ANKH: variants seen among roughly 807,000 people sequenced by gnomAD.
ANKH encodes ANKH inorganic pyrophosphate transport regulator, also known as mineralization regulator ANKH.
A neutral mutation model predicts 49.0 loss-of-function variants in ANKH; 15 were observed. The ratio of observed to expected loss-of-function variants is 0.31; its 90% CI spans 0.20 to 0.47. The LOEUF (loss-of-function observed/expected upper bound fraction) is 0.47. Among genes scored for constraint, ANKH ranks in the 20% least tolerant of loss-of-function variants. ANKH has a pLI of 1.00. For synonymous variants in ANKH, 273 were observed against 260.0 expected (o/e 1.05, Z -0.48); for missense variants, 429 against 652.0 (o/e 0.66, Z 3.72).
intron 1 of ANKH, among the ~76,000 whole-genome samples, chr5:14,819,900 TACACACACACACAC>T (rs57977744): frequency 3.5e-4 from 51 of 145,502 alleles, no homozygotes; most frequent in Admixed American, 4.8e-4. Flanking sequence ...AACAAAAATA[TACACACACACACAC>T]ACACACACAC....
chr5:14,829,183 T>TC (rs1336832543), intron 1 of ANKH, among the ~76,000 whole-genome samples: 2 of 37,278 alleles, frequency 5.4e-5, no homozygotes, highest in Non-Finnish European at 8.5e-5. Context: ...AGACTCTGTC[T>TC]CAAAAAAAAA....
At chr5:14,778,577 T>C (rs1739706694) in intron 1 of ANKH, among the ~76,000 whole-genome samples, 1 of 152,144 alleles carries the variant, frequency 6.6e-6, no homozygotes, top group Non-Finnish European at 1.5e-5. Context: ...CGGCTGCAAT[T>C]TCTAACCTTT....
Position 14,710,786 on chromosome 5 carries a change from T to C in ANKH, c.*411A>G. 1 of 226,714 alleles carries C rather than the reference T, an allele frequency of 4.4e-6. No individual in the cohort carries two copies. The highest frequency in any genetic ancestry group is 8.9e-6 in the Non-Finnish European group (1 of 111,864). 14.0% of individuals were successfully genotyped at this position (226,714 alleles called of 1,614,324 possible). On this transcript the variant is annotated 3_prime_UTR_variant, in exon 12 of 12. Transcript: ENST00000284268. ...AGCCGAGTTTTAACCTGTTGATTCT[T>C]AAGAGCGATGAAGGGGGACAGGAGA...
rs960626904 is a variant in ANKH, at chr5:14,822,852, G to A, written c.96+48500C>T. Reference sequence around the variant, plus strand: ...ACGAGGTCAGGAGATCGAGACCACGGTGAAACCCTGTCTCTACTAAAAATA... The same window carrying A: ...ACGAGGTCAGGAGATCGAGACCACGATGAAACCCTGTCTCTACTAAAAATA... On this transcript the variant is annotated intron_variant, in intron 1 of 11. Transcript: ENST00000284268. 2.6e-5 allele frequency among the ~76,000 whole-genome samples: 4 copies of A among 152,128 alleles called. No homozygotes were observed. The East Asian group carries it at 7.7e-4, about 29-fold the overall frequency.
At chr5:14,760,324 T>C (rs542347410) in intron 2 of ANKH, among the ~76,000 whole-genome samples, 1 of 152,158 alleles carries the variant, frequency 6.6e-6, no homozygotes, top group South Asian at 2.1e-4. Context: ...TCAGAAGCTG[T>C]GCAGAGATGA....
intron 2 of ANKH, among the ~76,000 whole-genome samples, chr5:14,764,677 G>A (rs1249237923): frequency 6.6e-6 from 1 of 152,250 alleles, no homozygotes; most frequent in Non-Finnish European, 1.5e-5. Context: ...TTCGCTCCCA[G>A]CACCCTCGTT....
intron 9 of ANKH, among the ~76,000 whole-genome samples, chr5:14,714,730 G>A (rs577780958): frequency 5.9e-5 from 9 of 152,164 alleles, no homozygotes; most frequent in Non-Finnish European, 1.3e-4. Flanking sequence ...TAAACTGGTT[G>A]GCCCAAATCC....
chr5:14,794,995 A>G (rs991640537), intron 1 of ANKH, among the ~76,000 whole-genome samples: 1 of 152,228 alleles, frequency 6.6e-6, no homozygotes, highest in Admixed American at 6.5e-5. Context: ...CACAGAAACA[A>G]TGTGTGCCTG....
At chr5:14,864,349 C>T (rs1735583633) in intron 1 of ANKH, among the ~76,000 whole-genome samples, 1 of 152,170 alleles carries the variant, frequency 6.6e-6, no homozygotes, top group Non-Finnish European at 1.5e-5. Flanking sequence ...CAAACCACCT[C>T]AATAAATAAA....
intron 1 of ANKH, chr5:14,868,530 G>C (rs1561091807): frequency 6.6e-6 from 1 of 151,444 alleles, no homozygotes; most frequent in African/African-American, 2.4e-5. Flanking sequence ...CTCCTGAGTA[G>C]CTAGGATTAC....
chr5:14,830,818 T>A (rs893217944), intron 1 of ANKH, among the ~76,000 whole-genome samples: 10 of 151,950 alleles, frequency 6.6e-5, no homozygotes, highest in Non-Finnish European at 1.2e-4. Flanking sequence ...ACCCCCAACA[T>A]CTAGTCTGGT....
chr5:14,729,457 G>A (rs150370225), intron 8 of ANKH, among the ~76,000 whole-genome samples: 1,547 of 151,644 alleles, frequency 0.01, 19 homozygotes, highest in South Asian at 0.025. Context: ...CAAAGTGCTG[G>A]GATTACAGGT....
intron 1 of ANKH, among the ~76,000 whole-genome samples, chr5:14,809,790 C>T (rs1335204084): frequency 3.3e-5 from 5 of 151,998 alleles, no homozygotes; most frequent in Admixed American, 2.0e-4. Flanking sequence ...AAACTCTGGA[C>T]CCACAGGAAG....
intron 1 of ANKH, among the ~76,000 whole-genome samples, chr5:14,804,951 C>T (rs1258532743): frequency 6.6e-6 from 1 of 152,170 alleles, no homozygotes; most frequent in Non-Finnish European, 1.5e-5. Context: ...CTTGAGGTAG[C>T]TAGAGATGAC....
At chr5:14,747,826 G>A (rs952135317) in intron 6 of ANKH, among the ~76,000 whole-genome samples, 9 of 152,180 alleles carry the variant, frequency 5.9e-5, no homozygotes, top group East Asian at 1.9e-4. Flanking sequence ...GGGATCGGGC[G>A]GACCTGGATC....
rs1451572314 is a variant in ANKH at position 14,858,738 on chromosome 5, TAAATAAATAAATAAATAAATA to T, written c.96+12593_96+12613del. Among the ~76,000 whole-genome samples the T allele has an allele frequency of 9.3e-3, 891 of 95,840 alleles. 15 individuals are homozygous for T. The highest frequency in any genetic ancestry group is 0.01 in the Non-Finnish European group (456 of 44,912). 62.9% of individuals were successfully genotyped at this position (95,840 alleles called of 152,430 possible). A position where few individuals can be genotyped will look rare whatever the true frequency, so the allele number is the denominator to read the frequency against. On this transcript the variant is annotated intron_variant, in intron 1 of 11. Coordinates refer to ENST00000284268, the MANE Select transcript of ANKH (RefSeq NM_054027.6). ...CTCAATAAATAAATAAATAAATAAA[TAAATAAATAAATAAATAAATA>T]AAATAAAATAAAATATATGCACAGA...
chr5:14,726,938 G>C (rs1266802307), intron 8 of ANKH, among the ~76,000 whole-genome samples: 1 of 152,238 alleles, frequency 6.6e-6, no homozygotes, highest in Non-Finnish European at 1.5e-5. Context: ...GATACAGCAC[G>C]TGAGGGGATG....
Position 14,737,397 on chromosome 5 carries a change from G to T in ANKH, c.1011+4430C>A, listed in dbSNP as rs958798069. The stretch of plus-strand genomic sequence containing the variant: ...AGCTGCCTTCCCCACGTAAGAGGAA[G>T]GACTGTGGTGCCTGCTCCTCTCTTG... On this transcript the variant is annotated intron_variant, in intron 8 of 11. Transcript: ENST00000284268. This position sits in a 1 kb window ranked among gnomAD's most constrained non-coding sequence, Gnocchi z 5.0. Among the ~76,000 whole-genome samples the T allele has an allele frequency of 2.0e-5, 3 of 152,236 alleles. No homozygotes were observed. Among genetic ancestry groups the T allele is most frequent in the African/African-American group, 7.2e-5 (3 of 41,464 alleles).
At position 14,711,099 on chromosome 5, in the gene ANKH, C is replaced by CA. The variant is rs771729890; in HGVS notation, c.*97dup. ...GGCCTCTTTCATTACCAAAACAAAA[C>CA]AAAAAAAAGGGAACAAAATACGATG... On this transcript the variant is annotated 3_prime_UTR_variant, in exon 12 of 12. Transcript: ENST00000284268. 2.9e-4 allele frequency: 326 copies of CA among 1,135,218 alleles called. 2 individuals are homozygous for CA. Among genetic ancestry groups the CA allele is most frequent in the Non-Finnish European group, 3.9e-4 (294 of 749,194 alleles). 70.3% of individuals were successfully genotyped at this position (1,135,218 alleles called of 1,614,324 possible). A position where few individuals can be genotyped will look rare whatever the true frequency, so the allele number is the denominator to read the frequency against.
Sources: allele counts gnomAD v4.1 joint callset (sites outside exome capture counted in the v4.1 genomes callset), GRCh38; gene constraint gnomAD v4.1.1; non-coding constraint Gnocchi (gnomAD v3.1); transcripts MANE v1.5; gene names NCBI Gene and HGNC (gene_info 2026-07-23, HGNC 2026-07-21).